Variants in UBE2E2 observed in about 807,000 individuals in gnomAD.
UBE2E2 encodes ubiquitin-conjugating enzyme E2 E2.
UBE2E2 carries 6 observed loss-of-function variants against 24.7 expected under a neutral mutation model. The observed-to-expected ratio is 0.24, with a 90% CI of 0.13 to 0.48. The LOEUF (loss-of-function observed/expected upper bound fraction) is 0.48. Among genes scored for constraint, UBE2E2 ranks in the 20% least tolerant of loss-of-function variants. The probability of loss-of-function intolerance (pLI) is 0.99; values close to 1 mark genes in which losing one functional copy is unlikely to be tolerated. For missense variants in UBE2E2, 169 were observed against 245.0 expected, an observed-to-expected ratio of 0.69 and a Z score of 2.07; for synonymous variants, 104 against 83.6, an observed-to-expected ratio of 1.24 and a Z score of -1.33.
intron 3 of UBE2E2, chr3:23,323,556 A>G (rs1388333044): frequency 4.4e-6 from 2 of 452,850 alleles, no homozygotes; most frequent in Admixed American, 2.4e-5. Context: ...TCAATTCTCA[A>G]TTGGATTTTT....
At chr3:23,556,140 CTTTT>C (rs71057604) in intron 5 of UBE2E2, among the ~76,000 whole-genome samples, 66 of 92,312 alleles carry the variant, frequency 7.1e-4, no homozygotes, top group African/African-American at 2.5e-3. Context: ...AATATACAAA[CTTTT>C]TTTTTTTTTT....
intron 5 of UBE2E2, among the ~76,000 whole-genome samples, chr3:23,584,585 C>T (rs946192489): frequency 1.3e-5 from 2 of 151,398 alleles, no homozygotes; most frequent in East Asian, 1.9e-4. Flanking sequence ...AAGACGGTCT[C>T]GCTCTTTCGC....
intron 3 of UBE2E2, among the ~76,000 whole-genome samples, chr3:23,393,062 ACAAT>A (rs1293055692): frequency 1.3e-5 from 2 of 152,204 alleles, no homozygotes; most frequent in African/African-American, 4.8e-5. Flanking sequence ...AGAAAGTGAC[ACAAT>A]CAGATTCTCA....
intron 3 of UBE2E2, among the ~76,000 whole-genome samples, chr3:23,424,562 C>T (rs1559379790): frequency 1.3e-5 from 2 of 151,068 alleles, no homozygotes; most frequent in Non-Finnish European, 2.9e-5. Flanking sequence ...TTTTTAGAAT[C>T]TTGTACAAAT....
chr3:23,269,553 G>A (rs977374461), intron 3 of UBE2E2, among the ~76,000 whole-genome samples: 5 of 152,182 alleles, frequency 3.3e-5, no homozygotes, highest in African/African-American at 1.2e-4. Flanking sequence ...AGGATTTGAG[G>A]GTGGGAGTTG....
rs149646508 is a variant in UBE2E2, at chr3:23,503,177, GGTTTTT to G, written c.360+3462_360+3467del. ...TTTTTTTTTTGTCATTTGGTTGGTT[GGTTTTT>G]GTTTTTGTTTTTGTTTTTGTTTTTT... On this transcript the variant is annotated intron_variant, in intron 4 of 5. Transcript: ENST00000396703. Among the ~76,000 whole-genome samples, 124 of 149,640 alleles carry G rather than the reference GGTTTTT, an allele frequency of 8.3e-4. 2 individuals carry two copies. Among genetic ancestry groups the G allele is most frequent in the Admixed American group, 2.9e-3 (44 of 15,102 alleles).
intron 3 of UBE2E2, among the ~76,000 whole-genome samples, chr3:23,369,470 A>G (rs1479573157): frequency 6.6e-6 from 1 of 152,144 alleles, no homozygotes; most frequent in Non-Finnish European, 1.5e-5. Context: ...TCTTAAAGCT[A>G]CCAGTTTCTT....
At chr3:23,376,996 G>C (rs1279451477) in intron 3 of UBE2E2, among the ~76,000 whole-genome samples, 1 of 152,180 alleles carries the variant, frequency 6.6e-6, no homozygotes, top group East Asian at 1.9e-4. Flanking sequence ...AACTATGTAA[G>C]TGTTTGGAAT....
intron 3 of UBE2E2, among the ~76,000 whole-genome samples, chr3:23,298,931 G>A (rs1698993373): frequency 6.6e-6 from 1 of 152,094 alleles, no homozygotes; most frequent in South Asian, 2.1e-4. Flanking sequence ...ACTTTTTCTG[G>A]TTGGTAAGCT....
Position 23,416,669 on chromosome 3 carries a change from G to A in UBE2E2, c.228-82939G>A, listed in dbSNP as rs570672830. ...TTTCCAACTTGGTTCCATTCTCCCC[G>A]TCACTTTCAGGTACACCAACCAAAC... On this transcript the variant is annotated intron_variant, in intron 3 of 5. Coordinates refer to ENST00000396703, the MANE Select transcript of UBE2E2 (RefSeq NM_152653.4). Among the ~76,000 whole-genome samples, 23 of 152,216 alleles carry A rather than the reference G, an allele frequency of 1.5e-4. No individual in the cohort carries two copies. The South Asian group carries it at 2.9e-3, about 19-fold the overall frequency.
intron 3 of UBE2E2, among the ~76,000 whole-genome samples, chr3:23,291,092 G>C (rs1209972674): frequency 6.9e-6 from 1 of 145,386 alleles, no homozygotes; most frequent in Admixed American, 6.9e-5. Flanking sequence ...CAAAAAACGT[G>C]AGCCTAGGGC....
At chr3:23,327,940 ATAAT>A (rs1694948348) in intron 3 of UBE2E2, among the ~76,000 whole-genome samples, 1 of 152,174 alleles carries the variant, frequency 6.6e-6, no homozygotes, top group Non-Finnish European at 1.5e-5. Context: ...TTCTCGCTTA[ATAAT>A]TATGTAGTAT....
chr3:23,385,230 C>T (rs535023647), intron 3 of UBE2E2, among the ~76,000 whole-genome samples: 17 of 152,282 alleles, frequency 1.1e-4, no homozygotes, highest in African/African-American at 3.6e-4. Context: ...TGTTTGCAAG[C>T]GATTGTTTTA....
chr3:23,333,353 C>A lies in UBE2E2; in HGVS notation c.227+116041C>A, dbSNP rs148625405. Among the ~76,000 whole-genome samples, 341 of 152,264 alleles carry A rather than the reference C, an allele frequency of 2.2e-3. 1 individual carries two copies. Among genetic ancestry groups the A allele is most frequent in the African/African-American group, 7.3e-3 (304 of 41,562 alleles). On this transcript the variant is annotated intron_variant, in intron 3 of 5. Transcript: ENST00000396703. ...AAGACTGAGAGAATAAGTTATAGGA[C>A]ATTTCAGTGACTAGCCTTGGTTATT...
intron 3 of UBE2E2, among the ~76,000 whole-genome samples, chr3:23,285,581 A>C (rs1284549426): frequency 1.3e-5 from 2 of 152,150 alleles, no homozygotes; most frequent in African/African-American, 4.8e-5. Context: ...CTGGGGTGAG[A>C]TGATACTTTA....
chr3:23,543,206 C>A (rs1237648783), intron 5 of UBE2E2, among the ~76,000 whole-genome samples: 1 of 152,192 alleles, frequency 6.6e-6, no homozygotes, highest in South Asian at 2.1e-4. Flanking sequence ...GAAGTCCTAG[C>A]CAGAACAATC....
At chr3:23,310,542 A>G (rs562024200) in intron 3 of UBE2E2, among the ~76,000 whole-genome samples, 1 of 152,268 alleles carries the variant, frequency 6.6e-6, no homozygotes, top group East Asian at 1.9e-4. Flanking sequence ...GAAAGAGACA[A>G]GATTCTTTGG....
intron 5 of UBE2E2, among the ~76,000 whole-genome samples, chr3:23,565,011 G>A (rs142974917): frequency 3.9e-5 from 6 of 152,224 alleles, no homozygotes; most frequent in African/African-American, 9.6e-5. Context: ...AGAGTGGGTG[G>A]CGGCTTTCAG....
chr3:23,476,262 G>A (rs535510118), intron 3 of UBE2E2, among the ~76,000 whole-genome samples: 19 of 152,216 alleles, frequency 1.2e-4, no homozygotes, highest in South Asian at 1.2e-3. Flanking sequence ...TAGAATTGGT[G>A]TTTTGAAAAC....
Sources: allele counts gnomAD v4.1 joint callset (sites outside exome capture counted in the v4.1 genomes callset), GRCh38; gene constraint gnomAD v4.1.1; transcripts MANE v1.5; gene names NCBI Gene and HGNC (gene_info 2026-07-23, HGNC 2026-07-21).